Variants in ELAVL4 observed in about 807,000 individuals in gnomAD.
The protein encoded by ELAVL4 is ELAV like RNA binding protein 4.
Under a neutral mutation model 35.6 loss-of-function variants are expected in ELAVL4, and 1 was observed. The ratio of observed to expected loss-of-function variants is 0.03; its 90% confidence interval spans 0.01 to 0.13. The LOEUF is 0.13. ELAVL4 is among the 10% of genes least tolerant of loss of function. ELAVL4 has a pLI of 1.00. For synonymous variants in ELAVL4, 156 were observed against 171.0 expected (o/e 0.91, Z 0.69); for missense variants, 267 against 464.9 (o/e 0.57, Z 3.91).
chr1:50,087,955 G>A (rs925161048), intron 1 of ELAVL4, among the ~76,000 whole-genome samples: 5 of 152,152 alleles, frequency 3.3e-5, no homozygotes, highest in African/African-American at 1.2e-4. Flanking sequence ...TAATATAAAA[G>A]CTTTATTGCC....
intron 1 of ELAVL4, among the ~76,000 whole-genome samples, chr1:50,134,380 G>C (rs1375008557): frequency 6.6e-6 from 1 of 152,184 alleles, no homozygotes; most frequent in African/African-American, 2.4e-5. Flanking sequence ...GAGAAAGACT[G>C]TTCTTTGTAT....
chr1:50,109,284 C>A, intron 1 of ELAVL4, 86 bp downstream of exon 1: 1 of 1,425,876 alleles, frequency 7.0e-7, no homozygotes, highest in Non-Finnish European at 9.8e-7. Context: ...TATGCTTGCA[C>A]AAGAGTTTAG....
At chr1:50,146,633 C>A (rs186878471) in intron 2 of ELAVL4, among the ~76,000 whole-genome samples, 3 of 152,230 alleles carry the variant, frequency 2.0e-5, no homozygotes, top group African/African-American at 7.2e-5. Flanking sequence ...AGCACTGGAA[C>A]ATCTATCCTT....
At position 50,156,553 on chromosome 1, in the gene ELAVL4, G is replaced by C. The variant is rs1041949137; in HGVS notation, c.250+11356G>C. ...GTAGGAGATGGCATCTGAGAAGGCA[G>C]GAGAATAGAATGGAAACTTACGTTT... On this transcript the variant is annotated intron_variant, in intron 2 of 6. Coordinates refer to ENST00000371824, the MANE Select transcript of ELAVL4 (RefSeq NM_001144774.3). Among the ~76,000 whole-genome samples the C allele has an allele frequency of 1.3e-5, 2 of 152,180 alleles. 1 individual carries two copies. The highest frequency in any genetic ancestry group is 1.3e-4 in the Admixed American group (2 of 15,280).
intron 1 of ELAVL4, among the ~76,000 whole-genome samples, chr1:50,049,636 CTG>C (rs1463764934): frequency 1.3e-5 from 2 of 152,152 alleles, no homozygotes; most frequent in Admixed American, 6.5e-5. Flanking sequence ...GTAGGGTAGA[CTG>C]TGGCACTGTG....
intron 3 of ELAVL4, among the ~76,000 whole-genome samples, chr1:50,182,296 C>G (rs1048790061): frequency 6.6e-6 from 1 of 152,196 alleles, no homozygotes; most frequent in East Asian, 1.9e-4. Flanking sequence ...ACATTGAGAA[C>G]CTTCAGTAAA....
intron 1 of ELAVL4, among the ~76,000 whole-genome samples, chr1:50,071,550 A>T (rs1664516759): frequency 6.6e-6 from 1 of 152,216 alleles, no homozygotes; most frequent in Non-Finnish European, 1.5e-5. Flanking sequence ...ACATACACAA[A>T]AGATGCCTTT....
At chr1:50,177,734 C>T (rs1054430107) in intron 3 of ELAVL4, among the ~76,000 whole-genome samples, 18 of 151,824 alleles carry the variant, frequency 1.2e-4, no homozygotes, top group African/African-American at 2.4e-4. Flanking sequence ...AATCGAGACT[C>T]GAAAAGGGAG....
At chr1:50,050,923 T>C (rs991041844) in intron 1 of ELAVL4, among the ~76,000 whole-genome samples, 1 of 152,202 alleles carries the variant, frequency 6.6e-6, no homozygotes, top group African/African-American at 2.4e-5. Flanking sequence ...TGGTAAATAC[T>C]GATACATGCT....
intron 2 of ELAVL4, among the ~76,000 whole-genome samples, chr1:50,163,699 G>GCCTGTAA (rs1380623180): frequency 6.6e-6 from 1 of 152,098 alleles, no homozygotes; most frequent in African/African-American, 2.4e-5. Context: ...GGTGGTTCAT[G>GCCTGTAA]CCTGTAACCC....
At chr1:50,189,204 G>A (rs972833963) in intron 3 of ELAVL4, among the ~76,000 whole-genome samples, 12 of 152,188 alleles carry the variant, frequency 7.9e-5, no homozygotes, top group Non-Finnish European at 1.6e-4. Flanking sequence ...GTATTATGGA[G>A]GACAGACAAG....
At chr1:50,170,161 G>A (rs77561490) in intron 2 of ELAVL4, among the ~76,000 whole-genome samples, 1,604 of 152,314 alleles carry the variant, frequency 0.011, 23 homozygotes, top group African/African-American at 0.037. Context: ...ACAGTATCTT[G>A]TGGGGCATGA....
intron 3 of ELAVL4, chr1:50,181,369 A>T (rs1386023670): frequency 7.2e-5 from 11 of 152,306 alleles, no homozygotes; most frequent in Admixed American, 7.2e-4. Context: ...ACCTAGGGAC[A>T]GACCTGACTT....
At chr1:50,055,540 C>T (rs1424492988) in intron 1 of ELAVL4, among the ~76,000 whole-genome samples, 1 of 151,922 alleles carries the variant, frequency 6.6e-6, no homozygotes, top group Admixed American at 6.6e-5. Flanking sequence ...ACCTCGTGAT[C>T]CACCCGCCTC....
chr1:50,116,521 A>G (rs1339510945), intron 1 of ELAVL4, among the ~76,000 whole-genome samples: 1 of 151,788 alleles, frequency 6.6e-6, no homozygotes, highest in African/African-American at 2.4e-5. Context: ...TGTTTTCCTA[A>G]GCTGCCAGTC....
intron 1 of ELAVL4, among the ~76,000 whole-genome samples, chr1:50,139,987 A>G (rs962684352): frequency 3.3e-5 from 5 of 152,136 alleles, no homozygotes; most frequent in African/African-American, 4.8e-5. Flanking sequence ...TTATCCCTGA[A>G]ATTTTCTGCC....
chr1:50,126,308 C>T (rs1669905815), intron 1 of ELAVL4, among the ~76,000 whole-genome samples: 2 of 152,244 alleles, frequency 1.3e-5, no homozygotes, highest in South Asian at 4.1e-4. Context: ...GCCCCATCCT[C>T]TTGGTGTCAC....
At chr1:50,105,519 A>G (rs916663613), upstream of ELAVL4, among the ~76,000 whole-genome samples, 1 of 152,186 alleles carries the variant, frequency 6.6e-6, no homozygotes, top group Non-Finnish European at 1.5e-5. Context: ...TTAAGATGCT[A>G]GTGTTTCTCA....
chr1:50,196,272 T>C (rs1644053802), intron 5 of ELAVL4, among the ~76,000 whole-genome samples: 1 of 152,174 alleles, frequency 6.6e-6, no homozygotes. Flanking sequence ...TTAACCTTAT[T>C]ATGTTAAGTC....
Sources: gnomAD v4.1 joint callset for allele counts (sites outside exome capture counted in the v4.1 genomes callset) on GRCh38, gnomAD v4.1.1 for gene constraint, MANE v1.5 for transcripts, NCBI Gene and HGNC (gene_info 2026-07-23, HGNC 2026-07-21) for gene names.